TIMM23B: variants seen among roughly 807,000 people sequenced by gnomAD.
The protein encoded by TIMM23B is translocase of inner mitochondrial membrane 23 homolog B.
Under a neutral mutation model 27.3 loss-of-function variants are expected in TIMM23B, and 27 were observed. The observed-to-expected ratio is 0.99, with a 90% CI of 0.73 to 1.36. The LOEUF is 1.36. Among genes scored for constraint, TIMM23B ranks in the 40% most tolerant of loss-of-function variants. The pLI is 0.00. For missense variants in TIMM23B, 205 were observed against 244.2 expected (o/e 0.84, Z 1.07); for synonymous variants, 73 against 92.4 (o/e 0.79, Z 1.21).
intron 6 of TIMM23B, among the ~76,000 whole-genome samples, chr10:49,958,683 G>A (rs1326625859): frequency 6.6e-6 from 1 of 152,130 alleles, no homozygotes; most frequent in Non-Finnish European, 1.5e-5. Context: ...CAGTACATTA[G>A]TATTATAGTC....
intron 1 of TIMM23B, 105 bp downstream of exon 1, chr10:49,942,405 C>A: frequency 6.5e-7 from 1 of 1,541,322 alleles, no homozygotes; most frequent in Non-Finnish European, 8.8e-7. Context: ...TCCTTGCTGG[C>A]GTTTACAAGC....
intron 6 of TIMM23B, chr10:49,970,334 G>A (rs1249417401): frequency 5.5e-5 from 9 of 164,694 alleles, no homozygotes; most frequent in Admixed American, 1.3e-4. Context: ...CTGCCATCCC[G>A]TCTAGGAAGT....
Position 49,966,057 on chromosome 10 carries a change from C to CGAAAT in TIMM23B, c.515-6947_515-6943dup, listed in dbSNP as rs1217673700. Among the ~76,000 whole-genome samples the CGAAAT allele has an allele frequency of 1.6e-3, 168 of 106,154 alleles. 1 individual carries two copies. The highest frequency in any genetic ancestry group is 5.5e-3 in the African/African-American group (161 of 29,510). 69.6% of individuals were successfully genotyped at this position (106,154 alleles called of 152,430 possible). A position where few individuals can be genotyped will look rare whatever the true frequency, so the allele number is the denominator to read the frequency against. Reference sequence around the variant, plus strand: ...TGGGTGATAGAGCGAGTCTCTGTCTCGAAATGAAATGACATGACATGACAT... The same window carrying CGAAAT: ...TGGGTGATAGAGCGAGTCTCTGTCTCGAAATGAAATGAAATGACATGACATGACAT... On this transcript the variant is annotated intron_variant, in intron 6 of 6. Transcript: ENST00000651259.
intron 6 of TIMM23B, among the ~76,000 whole-genome samples, chr10:49,964,945 G>T (rs1554855178): frequency 6.6e-6 from 1 of 152,058 alleles, no homozygotes; most frequent in Non-Finnish European, 1.5e-5. Context: ...GAAATACTGG[G>T]TGCAGTGGCT....
At chr10:49,956,770 A>G (rs1839739796) in intron 5 of TIMM23B, among the ~76,000 whole-genome samples, 1 of 147,054 alleles carries the variant, frequency 6.8e-6, no homozygotes. Flanking sequence ...TGGGCATTTT[A>G]TTTGTTGCCA....
At chr10:49,961,383 CAAA>C (rs1228617217) in intron 6 of TIMM23B, among the ~76,000 whole-genome samples, 11 of 67,296 alleles carry the variant, frequency 1.6e-4, no homozygotes, top group Admixed American at 7.1e-4. Flanking sequence ...AACTCTGTCT[CAAA>C]AAAAAAAAAA....
chr10:49,961,500 T>A (rs1369322143), intron 6 of TIMM23B, among the ~76,000 whole-genome samples: 4 of 152,150 alleles, frequency 2.6e-5, no homozygotes, highest in Non-Finnish European at 5.9e-5. Flanking sequence ...ATATGGGACT[T>A]TGAATAGCAT....
At chr10:49,958,290 G>A (rs1305791989) in intron 5 of TIMM23B, 80 bp from the exon 6 acceptor site, 2 of 875,466 alleles carry the variant, frequency 2.3e-6, no homozygotes, top group Non-Finnish European at 1.9e-6. Context: ...TAGGAACCAT[G>A]GATGAAAACC....
At chr10:49,969,567 A>G (rs1289045554) in intron 6 of TIMM23B, among the ~76,000 whole-genome samples, 1 of 151,286 alleles carries the variant, frequency 6.6e-6, no homozygotes, top group Non-Finnish European at 1.5e-5. Flanking sequence ...TGAGCTAAGC[A>G]TGGTGGTACA....
intron 6 of TIMM23B, among the ~76,000 whole-genome samples, chr10:49,962,047 T>C (rs1318570757): frequency 6.6e-6 from 1 of 151,820 alleles, no homozygotes; most frequent in Non-Finnish European, 1.5e-5. Context: ...TTTGACAGTT[T>C]CTAAACCCTG....
intron 6 of TIMM23B, among the ~76,000 whole-genome samples, chr10:49,965,103 C>G (rs1185363906): frequency 2.0e-5 from 3 of 151,916 alleles, no homozygotes; most frequent in African/African-American, 7.3e-5. Context: ...GCCTGTAATC[C>G]CAGCTACTCG....
chr10:49,952,392 A>AG, intron 3 of TIMM23B, 57 bp from the exon 4 acceptor site: 1 of 1,538,452 alleles, frequency 6.5e-7, no homozygotes, highest in Non-Finnish European at 8.8e-7. Flanking sequence ...TGCAGTTTTG[A>AG]GGTTTTTTTT....
At chr10:49,946,376 A>G (rs1320249165) in intron 2 of TIMM23B, among the ~76,000 whole-genome samples, 1 of 152,246 alleles carries the variant, frequency 6.6e-6, no homozygotes, top group East Asian at 1.9e-4. Flanking sequence ...TTAGTCAAGT[A>G]CATTAAATGG....
intron 6 of TIMM23B, among the ~76,000 whole-genome samples, chr10:49,963,674 A>G (rs1482539856): frequency 6.6e-6 from 1 of 152,156 alleles, no homozygotes. Flanking sequence ...ATATGAAATG[A>G]AATACGAAAT....
intron 6 of TIMM23B, among the ~76,000 whole-genome samples, chr10:49,967,214 G>A (rs1400199109): frequency 1.2e-4 from 18 of 152,008 alleles, no homozygotes; most frequent in Non-Finnish European, 8.8e-5. Context: ...GAACCACCGC[G>A]CCCGGCCCCC....
At chr10:49,956,398 TA>T (rs1839722814) in intron 5 of TIMM23B, among the ~76,000 whole-genome samples, 1 of 148,232 alleles carries the variant, frequency 6.7e-6, no homozygotes, top group South Asian at 2.2e-4. Flanking sequence ...ACTTTTTTTT[TA>T]ATCTATTTTT....
At chr10:49,960,493 G>A (rs1478315598) in intron 6 of TIMM23B, among the ~76,000 whole-genome samples, 21 of 152,152 alleles carry the variant, frequency 1.4e-4, no homozygotes, top group Admixed American at 4.6e-4. Flanking sequence ...TACAAAATAC[G>A]CTTAAAGTAG....
intron 6 of TIMM23B, among the ~76,000 whole-genome samples, chr10:49,968,290 A>G (rs1386465426): frequency 6.6e-6 from 1 of 152,236 alleles, no homozygotes; most frequent in Non-Finnish European, 1.5e-5. Flanking sequence ...AATGCAACCT[A>G]TTTTCAATAG....
rs61847089 is a variant in TIMM23B, at chr10:49,957,105, C to A, written c.404-1265C>A. Among the ~76,000 whole-genome samples, 180 of 151,966 alleles carry A rather than the reference C, an allele frequency of 1.2e-3. 1 individual carries two copies. Among genetic ancestry groups the A allele is most frequent in the African/African-American group, 4.1e-3 (170 of 41,496 alleles). Reference sequence around the variant, plus strand: ...CACTTTGGATACTTCTGATGCTGATCGCAAGCTCCAGGTTATTTTACCTGT... The same window carrying A: ...CACTTTGGATACTTCTGATGCTGATAGCAAGCTCCAGGTTATTTTACCTGT... On this transcript the variant is annotated intron_variant, in intron 5 of 6. Coordinates refer to ENST00000651259, the MANE Select transcript of TIMM23B (RefSeq NM_001290117.2).
Sources: allele counts gnomAD v4.1 joint callset (sites outside exome capture counted in the v4.1 genomes callset), GRCh38; gene constraint gnomAD v4.1.1; transcripts MANE v1.5; gene names NCBI Gene and HGNC (gene_info 2026-07-23, HGNC 2026-07-21).